ATXN7L1: variants seen among roughly 807,000 people sequenced by gnomAD.
ATXN7L1 encodes the protein ataxin-7-like protein 1.
Under a neutral mutation model 70.8 loss-of-function variants are expected in ATXN7L1, and 15 were observed. The ratio of observed to expected loss-of-function variants is 0.21; its 90% CI spans 0.14 to 0.33. The LOEUF (loss-of-function observed/expected upper bound fraction) is 0.33. ATXN7L1 is among the 10% of genes least tolerant of loss of function. The probability of loss-of-function intolerance (pLI) is 1.00; values close to 1 mark genes in which losing one functional copy is unlikely to be tolerated. For synonymous variants in ATXN7L1, 440 were observed against 445.1 expected (o/e 0.99, Z 0.14); for missense variants, 975 against 1,097.1 (o/e 0.89, Z 1.57).
At chr7:105,645,276 T>A (rs1015630962) in intron 4 of ATXN7L1, among the ~76,000 whole-genome samples, 1 of 152,106 alleles carries the variant, frequency 6.6e-6, no homozygotes, top group African/African-American at 2.4e-5. Context: ...TTTACCACAA[T>A]TAAAAATGTT....
At chr7:105,715,525 G>A (rs2116283001) in intron 3 of ATXN7L1, among the ~76,000 whole-genome samples, 1 of 152,374 alleles carries the variant, frequency 6.6e-6, no homozygotes, top group East Asian at 1.9e-4. Context: ...CAAAAAGAAA[G>A]AGGCAGCTAC....
chr7:105,819,723 C>T, intron 2 of ATXN7L1: 2 of 832,270 alleles, frequency 2.4e-6, no homozygotes, highest in Non-Finnish European at 4.1e-6. Flanking sequence ...GGCCTCTAGC[C>T]GCACCTTCCG....
rs71562665 is a variant in ATXN7L1, at chr7:105,614,118, C to T, written c.2216G>A (p.Ser739Asn). ...CACAGAGAGGGGACAGGAGTCACTG[C>T]TGCCTCCCACCGCGCCCACCTGTCT... ...IVRQVGAVGGSSDSCPLSVPS... is the reference protein window; with the variant it reads ...IVRQVGAVGGNSDSCPLSVPS... Residue 739 changes from serine to asparagine, a missense_variant, in exon 10 of 12, where the codon AGC (serine) becomes AAC (asparagine). By Grantham distance (46) the Ser-to-Asn change is conservative (BLOSUM62 1). This residue lies in a region of ATXN7L1 where 635 missense variants were observed against 699.4 expected (regional missense o/e 0.91). Coordinates refer to ENST00000419735, the MANE Select transcript of ATXN7L1 (RefSeq NM_020725.2). This position sits in a 1 kb window ranked among gnomAD's most constrained non-coding sequence, Gnocchi z 4.3. The T allele has an allele frequency of 6.4e-7, 1 of 1,551,596 alleles. No homozygotes were observed.
At chr7:105,757,756 C>CT (rs1799989396) in intron 3 of ATXN7L1, among the ~76,000 whole-genome samples, 2 of 118,246 alleles carry the variant, frequency 1.7e-5, no homozygotes, top group African/African-American at 8.5e-5. Flanking sequence ...CTAATTTTGA[C>CT]ATTTTTTTTT....
At chr7:105,623,948 T>A in intron 8 of ATXN7L1, 127 bp downstream of exon 8, 1 of 835,552 alleles carries the variant, frequency 1.2e-6, no homozygotes, top group East Asian at 3.3e-5. Context: ...AAACTCATGG[T>A]AAGCCTTTTT....
intron 2 of ATXN7L1, among the ~76,000 whole-genome samples, chr7:105,813,664 C>T (rs1371856902): frequency 1.3e-5 from 2 of 152,158 alleles, no homozygotes; most frequent in Non-Finnish European, 2.9e-5. Flanking sequence ...ATAATGCACA[C>T]TAGACTCTTC....
rs1221465718 is a variant in ATXN7L1, at chr7:105,638,452, G to A, written c.1103C>T (p.Pro368Leu). The A allele has an allele frequency of 6.4e-7, 1 of 1,552,330 alleles. No individual in the cohort carries two copies. The highest frequency in any genetic ancestry group is 1.2e-5 in the South Asian group (1 of 84,048). Residue 368 changes from proline to leucine, a missense_variant, in exon 7 of 12, where the codon CCG becomes CTG. Physicochemically the swap from Pro to Leu is moderately conservative, Grantham distance 98 (BLOSUM62 -3). Coordinates refer to ENST00000419735, the MANE Select transcript of ATXN7L1 (RefSeq NM_020725.2). ...TREILPSQSG[P>L]AQDSLLGSSG... ...AGACCCTAGCAGAGAATCCTGTGCC[G>A]GCCCGGATTGGCTTGGAAGTATTTC... is the stretch of plus-strand genomic sequence containing the variant.
intron 3 of ATXN7L1, among the ~76,000 whole-genome samples, chr7:105,744,724 CTCTT>C (rs1001200036): frequency 6.8e-6 from 1 of 147,962 alleles, no homozygotes; most frequent in East Asian, 2.0e-4. Flanking sequence ...AGGATTAAAA[CTCTT>C]TCTTTACTTT....
intron 3 of ATXN7L1, among the ~76,000 whole-genome samples, chr7:105,762,379 G>A (rs1354553279): frequency 6.6e-6 from 1 of 152,268 alleles, no homozygotes; most frequent in South Asian, 2.1e-4. Context: ...ACAGCCTTGG[G>A]TCTAAGCCTC....
intron 3 of ATXN7L1, among the ~76,000 whole-genome samples, chr7:105,688,271 G>C (rs917500293): frequency 6.6e-6 from 1 of 152,216 alleles, no homozygotes; most frequent in Non-Finnish European, 1.5e-5. Context: ...GACGGACACG[G>C]TGGTTCATGC....
At chr7:105,794,003 CCCAT>C (rs1200820683) in intron 2 of ATXN7L1, among the ~76,000 whole-genome samples, 1 of 142,650 alleles carries the variant, frequency 7.0e-6, no homozygotes, top group African/African-American at 2.6e-5. Flanking sequence ...TATCCATCCA[CCCAT>C]CCATCCATCC....
chr7:105,840,732 C>T (rs1813077886), intron 2 of ATXN7L1, among the ~76,000 whole-genome samples: 1 of 152,200 alleles, frequency 6.6e-6, no homozygotes, highest in Non-Finnish European at 1.5e-5. Context: ...ATACTTCCCA[C>T]TTGATTCTGT....
Position 105,833,679 on chromosome 7 carries a change from TTCC to T in ATXN7L1, c.250+42130_250+42132del, listed in dbSNP as rs540201694. On this transcript the variant is annotated intron_variant, in intron 2 of 11. Transcript: ENST00000419735. ...TGTACATTTCACTGTATGTAGTTTT[TTCC>T]TCAAAACAAAAAACCAAATAGTTAA... Among the ~76,000 whole-genome samples the T allele has an allele frequency of 2.2e-4, 34 of 152,372 alleles. No individual in the cohort carries two copies. In the East Asian group the frequency reaches 5.6e-3, roughly 25 times the overall value.
chr7:105,660,576 C>CTTTT lies in ATXN7L1; in HGVS notation c.578+4486_578+4489dup, dbSNP rs34008024. Among the ~76,000 whole-genome samples, 265 of 78,142 alleles carry CTTTT rather than the reference C, an allele frequency of 3.4e-3. 4 individuals carry two copies. The highest frequency in any genetic ancestry group is 5.8e-3 in the African/African-American group (110 of 18,966). The allele number at this position is 78,142 out of a possible 152,430, so 51.3% of individuals were successfully genotyped here. On this transcript the variant is annotated intron_variant, in intron 4 of 11. Transcript: ENST00000419735. ...GTCCTTCTAATTTAGCGGAAGTGAC[C>CTTTT]TTTTTTTTTTTTTTTTTTTTTTTTG...
intron 2 of ATXN7L1, among the ~76,000 whole-genome samples, chr7:105,801,022 G>A (rs1182206063): frequency 6.6e-6 from 1 of 152,138 alleles, no homozygotes; most frequent in African/African-American, 2.4e-5. Context: ...ACCTACTTGG[G>A]AAATTTCTCT....
intron 5 of ATXN7L1, among the ~76,000 whole-genome samples, chr7:105,641,974 C>G (rs1798325908): frequency 1.3e-5 from 2 of 152,224 alleles, no homozygotes; most frequent in African/African-American, 2.4e-5. Context: ...AACCCGAGGA[C>G]AGTTTCTCTG....
chr7:105,729,263 T>C (rs924763119), intron 3 of ATXN7L1, among the ~76,000 whole-genome samples: 1 of 147,848 alleles, frequency 6.8e-6, no homozygotes. Context: ...ACAATGAGAC[T>C]CTGTATCAAT....
At chr7:105,749,755 G>C (rs1798980435) in intron 3 of ATXN7L1, among the ~76,000 whole-genome samples, 1 of 151,860 alleles carries the variant, frequency 6.6e-6, no homozygotes, top group South Asian at 2.1e-4. Flanking sequence ...GATCACTTGT[G>C]GGGCTTCTGA....
intron 2 of ATXN7L1, among the ~76,000 whole-genome samples, chr7:105,806,541 G>A (rs1807638002): frequency 6.6e-6 from 1 of 152,164 alleles, no homozygotes; most frequent in African/African-American, 2.4e-5. Context: ...CAGTCCAAGA[G>A]GCAAGCTGGG....
Sources: allele counts gnomAD v4.1 joint callset (sites outside exome capture counted in the v4.1 genomes callset), GRCh38; gene constraint gnomAD v4.1.1; regional missense constraint gnomAD v4.1.1; non-coding constraint Gnocchi (gnomAD v3.1); transcripts MANE v1.5; gene names NCBI Gene and HGNC (gene_info 2026-07-23, HGNC 2026-07-21).